LONRF3: variants seen among roughly 807,000 people sequenced by gnomAD.
The protein encoded by LONRF3 is LON peptidase N-terminal domain and ring finger 3.
A neutral mutation model predicts 51.7 loss-of-function variants in LONRF3; 19 were observed. The observed-to-expected ratio is 0.37, with a 90% CI of 0.26 to 0.54. LONRF3 has a LOEUF of 0.54. Among genes scored for constraint, LONRF3 ranks in the 20% least tolerant of loss-of-function variants. The pLI is 0.86. For missense variants in LONRF3, 521 were observed against 623.9 expected, an observed-to-expected ratio of 0.84 and a Z score of 1.76; for synonymous variants, 265 against 257.8, an observed-to-expected ratio of 1.03 and a Z score of -0.27.
rs747303193 is a variant in LONRF3 at position 119,017,705 on chromosome X, A to G, written c.*15A>G. ...ACCAAAACTAGTGAGTGGATTGCCG[A>G]AGAGGAGCTCCCACCTTCCCCACTG... On this transcript the variant is annotated 3_prime_UTR_variant, in exon 11 of 11. Coordinates refer to ENST00000371628, the MANE Select transcript of LONRF3 (RefSeq NM_001031855.3). The G allele has an allele frequency of 8.5e-7, 1 of 1,170,564 alleles. No homozygotes were observed.
At chrX:118,983,091 G>C in intron 3 of LONRF3, 148 bp downstream of exon 3, 1 of 542,580 alleles carries the variant, frequency 1.8e-6, no homozygotes, top group Non-Finnish European at 2.9e-6. Context: ...AGGGAGATGG[G>C]AGTGTTAATT....
At position 118,974,904 on chromosome X, in the gene LONRF3, G is replaced by A. The variant is rs1170723355; in HGVS notation, c.124G>A (p.Ala42Thr). ...QVDMGPHPKV[A>T]AEGPAPLPTR... ...AGACATGGGCCCCCACCCAAAGGTGGCTGCAGAGGGCCCCGCACCTCTACC... is the reference window on the plus strand; with the variant it reads ...AGACATGGGCCCCCACCCAAAGGTGACTGCAGAGGGCCCCGCACCTCTACC... The change falls in exon 1 of 11, where the codon GCT (alanine) becomes ACT (threonine). Residue 42 changes from alanine (A) to threonine (T), a missense_variant. By Grantham distance (58) the Ala-to-Thr change is moderately conservative. Coordinates refer to ENST00000371628, the MANE Select transcript of LONRF3 (RefSeq NM_001031855.3). The A allele has an allele frequency of 8.4e-7, 1 of 1,192,975 alleles. No homozygotes were observed. Among genetic ancestry groups the A allele is most frequent in the Admixed American group, 2.3e-5 (1 of 43,574 alleles).
chrX:119,004,562 C>A (rs1924573846), intron 5 of LONRF3, among the ~76,000 whole-genome samples: 1 of 112,500 alleles, frequency 8.9e-6, no homozygotes, highest in African/African-American at 3.2e-5. Context: ...AAAAAAATTT[C>A]TGATGCCTGT....
chrX:118,983,875 G>A (rs944867033), intron 3 of LONRF3, among the ~76,000 whole-genome samples: 8 of 112,085 alleles, frequency 7.1e-5, no homozygotes, highest in Non-Finnish European at 1.5e-4. Context: ...ACTGGCCCTG[G>A]ATTTTCTGTC....
chrX:118,992,428 C>T (rs1391605979), intron 5 of LONRF3, among the ~76,000 whole-genome samples: 1 of 110,845 alleles, frequency 9.0e-6, no homozygotes, highest in Non-Finnish European at 1.9e-5. Context: ...ACCTGCATGA[C>T]TCAGCAAAGG....
chrX:118,993,902 A>G (rs1253201190), intron 5 of LONRF3, among the ~76,000 whole-genome samples: 1 of 112,290 alleles, frequency 8.9e-6, no homozygotes, highest in Non-Finnish European at 1.9e-5. Flanking sequence ...TTACCAGCCA[A>G]GAATTTTGTA....
At chrX:119,000,927 G>A (rs1246746057) in intron 5 of LONRF3, among the ~76,000 whole-genome samples, 1 of 102,996 alleles carries the variant, frequency 9.7e-6, no homozygotes, top group African/African-American at 3.6e-5. Context: ...TTTCCTCTTT[G>A]CTCTCATTTG....
chrX:119,000,311 A>G (rs1924180061), intron 5 of LONRF3, among the ~76,000 whole-genome samples: 1 of 112,326 alleles, frequency 8.9e-6, no homozygotes, highest in African/African-American at 3.2e-5. Flanking sequence ...ATGAATTTGT[A>G]TACACGGATT....
At chrX:118,975,728 C>CCCCCTGGGAGGGGGGG in intron 1 of LONRF3, 131 bp downstream of exon 1, 1 of 43,657 alleles carries the variant, frequency 2.3e-5, no homozygotes, top group Non-Finnish European at 4.2e-5. Flanking sequence ...TGGACTGTGG[C>CCCCCTGGGAGGGGGGG]GGGGTGGGGG....
rs181606896 is a variant in LONRF3 at position 118,977,298 on chromosome X, C to T, written c.818-1047C>T. ...TAGATCTCTAAGGCAGATTCCATAC[C>T]TTTTAGCCATCCCCCAGGGGCCAGG... On this transcript the variant is annotated intron_variant, in intron 1 of 10. Transcript: ENST00000371628. Among the ~76,000 whole-genome samples the T allele has an allele frequency of 1.1e-3, 127 of 111,166 alleles. No homozygotes were observed. In the East Asian group the frequency reaches 0.033, roughly 29 times the overall value.
chrX:118,991,159 G>A (rs1378619724), intron 5 of LONRF3, among the ~76,000 whole-genome samples: 1 of 111,905 alleles, frequency 8.9e-6, no homozygotes, highest in Non-Finnish European at 1.9e-5. Context: ...GTCTGAATAT[G>A]TCTTTTGTTT....
chrX:119,009,360 T>C lies in LONRF3; in HGVS notation c.1652+113T>C, dbSNP rs1340607977. On this transcript the variant is annotated intron_variant, in intron 7 of 10. Coordinates refer to ENST00000371628, the MANE Select transcript of LONRF3 (RefSeq NM_001031855.3). ...GTGATGTCATGCTAGCTGCTTGAAA[T>C]TGGCTATGGTGAGAGTATTTACACC... is the stretch of plus-strand genomic sequence containing the variant. The C allele has an allele frequency of 6.2e-6, 5 of 806,588 alleles. No individual in the cohort carries two copies. In the Admixed American group the frequency reaches 1.3e-4, roughly 21 times the overall value. 66.5% of individuals were successfully genotyped at this position (806,588 alleles called of 1,213,427 possible).
intron 2 of LONRF3, among the ~76,000 whole-genome samples, chrX:118,979,290 A>C (rs1603246142): frequency 2.9e-5 from 3 of 103,579 alleles, no homozygotes; most frequent in Non-Finnish European, 3.9e-5. Flanking sequence ...GGCGTGAGCC[A>C]CCGCGCTGGC....
chrX:118,974,663 C>A lies in LONRF3; in HGVS notation c.-118C>A. ...CGGCATGGAGCTCCCGGAGGCGCGG[C>A]AGGGTCAGGAGCTCGGTGGCATGGC... On this transcript the variant is annotated 5_prime_UTR_variant, in exon 1 of 11. Transcript: ENST00000371628. 1.6e-6 allele frequency: 1 copy of A among 619,761 alleles called. No individual in the cohort carries two copies. The highest frequency in any genetic ancestry group is 2.4e-6 in the Non-Finnish European group (1 of 409,857). The allele number at this position is 619,761 out of a possible 1,213,427, so 51.1% of individuals were successfully genotyped here.
intron 2 of LONRF3, among the ~76,000 whole-genome samples, chrX:118,978,737 G>C (rs149620973): frequency 0.013 from 1,483 of 111,396 alleles, 22 homozygotes; most frequent in Admixed American, 0.056. Flanking sequence ...GACTGCCTGG[G>C]TTTATGTCCC....
In LONRF3 at chrX:118,993,748, G is replaced by A. The variant is rs866112986; in HGVS notation, c.1415+3188G>A. 5.4e-5 allele frequency among the ~76,000 whole-genome samples: 6 copies of A among 111,769 alleles called. No homozygotes were observed. The South Asian group carries it at 1.5e-3, about 28-fold the overall frequency. On this transcript the variant is annotated intron_variant, in intron 5 of 10. Coordinates refer to ENST00000371628, the MANE Select transcript of LONRF3 (RefSeq NM_001031855.3). ...TCATCAGATTATCCAAAGTTAAGAT[G>A]AAGGAAAGAGTCTTAAGAACTGAGA... is the stretch of plus-strand genomic sequence containing the variant.
Sources: gnomAD v4.1 joint callset for allele counts (sites outside exome capture counted in the v4.1 genomes callset) on GRCh38, gnomAD v4.1.1 for gene constraint, MANE v1.5 for transcripts, NCBI Gene and HGNC (gene_info 2026-07-23, HGNC 2026-07-21) for gene names.